Variants in DHPS observed in about 807,000 individuals in gnomAD.
DHPS encodes migration-inducing gene 13.
A neutral mutation model predicts 38.7 loss-of-function variants in DHPS; 24 were observed. That is an observed-to-expected ratio of 0.62 (90% CI 0.45 to 0.87). The LOEUF (loss-of-function observed/expected upper bound fraction) is 0.87, where lower values mean the gene tolerates loss of function less well. DHPS is among the 40% of genes least tolerant of loss of function. DHPS has a pLI of 0.00. For missense variants in DHPS, 510 were observed against 497.6 expected (o/e 1.02, Z -0.24); for synonymous variants, 250 against 204.4 (o/e 1.22, Z -1.90).
intron 5 of DHPS, 71 bp from the exon 6 acceptor site, chr19:12,677,467 G>C (rs975024793): frequency 1.5e-6 from 2 of 1,307,742 alleles, no homozygotes; most frequent in Non-Finnish European, 2.2e-6. Context: ...ATGACTATCT[G>C]ACTGTGGATG....
chr19:12,681,735 G>A lies in DHPS; in HGVS notation c.32C>T (p.Ala11Val), dbSNP rs200005580. MEGSLEREAP[A>V]GALAAVLKHS... ...CTTTAGCACGGCGGCCAGCGCCCCC[G>A]CTGGCGCCTCCCGTTCCAGGGAACC... is the stretch of plus-strand genomic sequence containing the variant. The change falls in exon 1 of 9, where the codon GCG (alanine) becomes GTG (valine). Residue 11 changes from alanine to valine, a missense_variant. By Grantham distance (64) the Ala-to-Val change is moderately conservative. Transcript: ENST00000210060. 6.2e-7 allele frequency: 1 copy of A among 1,612,124 alleles called. No individual in the cohort carries two copies. Among genetic ancestry groups the A allele is most frequent in the Non-Finnish European group, 8.5e-7 (1 of 1,179,906 alleles).
Position 12,676,111 on chromosome 19 carries a change from T to C in DHPS, c.920A>G (p.Asn307Ser). Reference sequence around the variant, plus strand: ...AGAGCCATCAAACTCCTGGGCTGTGTTGATGTAAACAGCGTAGTCGGCCCC... The same window carrying C: ...AGAGCCATCAAACTCCTGGGCTGTGCTGATGTAAACAGCGTAGTCGGCCCC... ...RNGADYAVYI[N>S]TAQEFDGSDS... Residue 307 changes from asparagine (N) to serine (S), a missense_variant, in exon 8 of 9, where the codon AAC becomes AGC. Asn to Ser is a conservative substitution (Grantham distance 46). Transcript: ENST00000210060. 6.2e-7 allele frequency: 1 copy of C among 1,613,700 alleles called. No individual in the cohort carries two copies. Among genetic ancestry groups the C allele is most frequent in the Non-Finnish European group, 8.5e-7 (1 of 1,179,908 alleles).
intron 1 of DHPS, chr19:12,681,132 A>G: frequency 7.8e-7 from 1 of 1,276,116 alleles, no homozygotes; most frequent in Non-Finnish European, 1.0e-6. Flanking sequence ...GCGCCCAGCC[A>G]GCCCCCACCC....
At chr19:12,674,317 T>C (rs1313696952), downstream of DHPS, among the ~76,000 whole-genome samples, 7 of 152,238 alleles carry the variant, frequency 4.6e-5, no homozygotes, top group Admixed American at 4.6e-4. Flanking sequence ...TGTCCCAGCC[T>C]GGTGGGGAGT....
downstream of DHPS, among the ~76,000 whole-genome samples, chr19:12,673,686 G>T (rs1386838432): frequency 6.6e-6 from 1 of 151,742 alleles, no homozygotes; most frequent in African/African-American, 2.4e-5. Context: ...CAAGTGCTAG[G>T]ATTACAGGCG....
At chr19:12,680,372 G>C (rs752619293) in intron 1 of DHPS, 47 bp from the exon 2 acceptor site, 4 of 1,606,388 alleles carry the variant, frequency 2.5e-6, no homozygotes, top group Admixed American at 1.7e-5. Flanking sequence ...TTAAATCCCA[G>C]ACTCAGGACT....
intron 7 of DHPS, 155 bp downstream of exon 7, chr19:12,676,953 G>A (rs575695418): frequency 6.7e-5 from 45 of 667,476 alleles, no homozygotes; most frequent in East Asian, 1.6e-4. Flanking sequence ...GCCCCCTGAC[G>A]TGGATGTCAC....
Position 12,677,191 on chromosome 19 carries a change from G to A in DHPS, c.805C>T (p.Gln269Ter), listed in dbSNP as rs757878296. The A allele has an allele frequency of 6.2e-7, 1 of 1,614,118 alleles. No individual in the cohort carries two copies. Among genetic ancestry groups the A allele is most frequent in the African/African-American group, 1.3e-5 (1 of 74,952 alleles). ...IVEDLRLINT[Q>*]AIFAKCTGMI... ...CCAGTGCACTTGGCAAAGATGGCCT[G>A]TGTGTTGATGAGCCTCAGGTCTGGG... is the stretch of plus-strand genomic sequence containing the variant. The change falls in exon 7 of 9, where the codon CAG becomes TAG. Residue 269 changes from glutamine (Q) to a stop codon, truncating the protein, a stop_gained. Transcript: ENST00000210060. LOFTEE classifies it high-confidence loss of function.
chr19:12,680,500 G>A (rs115176430), intron 1 of DHPS, among the ~76,000 whole-genome samples, 175 bp from the exon 2 acceptor site: 38 of 150,792 alleles, frequency 2.5e-4, no homozygotes, highest in African/African-American at 9.0e-4. Context: ...TCCCAGACCA[G>A]ATCTCAAGAC....
rs1308237335 is a variant in DHPS at position 12,675,847 on chromosome 19, GTTC to G, written c.1098_1100del (p.Lys366del). The G allele has an allele frequency of 6.2e-7, 1 of 1,602,516 alleles. No individual in the cohort carries two copies. Among genetic ancestry groups the G allele is most frequent in the Non-Finnish European group, 8.5e-7 (1 of 1,174,304 alleles). ...CTGGGACCGCAGCCGCTCAGTCCTC[GTTC>G]TTCTCATGCATGAAGGCATCCATCT... On this transcript the variant is annotated inframe_deletion, in exon 9 of 9. Coordinates refer to ENST00000210060, the MANE Select transcript of DHPS (RefSeq NM_001930.4).
chr19:12,675,830 G>C lies in DHPS; in HGVS notation c.*8C>G, dbSNP rs752109199. On this transcript the variant is annotated 3_prime_UTR_variant, in exon 9 of 9. Coordinates refer to ENST00000210060, the MANE Select transcript of DHPS (RefSeq NM_001930.4). ...GAGGGGGTAAGACCTTCCTGGGACC[G>C]CAGCCGCTCAGTCCTCGTTCTTCTC... The C allele has an allele frequency of 1.3e-6, 2 of 1,581,222 alleles. No homozygotes were observed. The highest frequency in any genetic ancestry group is 2.2e-5 in the East Asian group (1 of 44,474).
At position 12,676,013 on chromosome 19, in the gene DHPS, T is replaced by C; in HGVS notation, c.1014+4A>G. The C allele has an allele frequency of 6.2e-7, 1 of 1,613,570 alleles. No homozygotes were observed. The highest frequency in any genetic ancestry group is 8.5e-7 in the Non-Finnish European group (1 of 1,179,674). ...ACCCTATGCCCCACCCAGCCAGCGC[T>C]TACCTTGACGGGCTGTGCATCCACC... On this transcript the variant is annotated splice_donor_region_variant and intron_variant, in intron 8 of 8. Coordinates refer to ENST00000210060, the MANE Select transcript of DHPS (RefSeq NM_001930.4).
Position 12,676,101 on chromosome 19 carries a change from C to G in DHPS, c.930G>C (p.Gln310His). The change falls in exon 8 of 9, where the codon CAG becomes CAC. Residue 310 changes from glutamine (Q) to histidine (H), a missense_variant. Transcript: ENST00000210060. ...CACCTGAGTCAGAGCCATCAAACTC[C>G]TGGGCTGTGTTGATGTAAACAGCGT... is the stretch of plus-strand genomic sequence containing the variant. ...ADYAVYINTAQEFDGSDSGAR... is the reference protein window; with the variant it reads ...ADYAVYINTAHEFDGSDSGAR... 1.2e-6 allele frequency: 2 copies of G among 1,613,866 alleles called. No homozygotes were observed. Among genetic ancestry groups the G allele is most frequent in the Non-Finnish European group, 1.7e-6 (2 of 1,179,932 alleles).
rs147490503 is a variant in DHPS at position 12,681,695 on chromosome 19, C to A, written c.72G>T (p.Leu24Phe). The change falls in exon 1 of 9, where the codon TTG becomes TTT. Residue 24 changes from leucine to phenylalanine, a missense_variant. Coordinates refer to ENST00000210060, the MANE Select transcript of DHPS (RefSeq NM_001930.4). ...LAAVLKHSST[L>F]PPESTQVRGY... ...CCCGGACCTGGGTGCTTTCGGGCGG[C>A]AACGTCGAGCTGTGCTTTAGCACGG... is the stretch of plus-strand genomic sequence containing the variant. 2.7e-4 allele frequency: 430 copies of A among 1,613,932 alleles called. No individual in the cohort carries two copies. The highest frequency in any genetic ancestry group is 3.4e-4 in the Non-Finnish European group (406 of 1,180,046).
chr19:12,675,850 C>T lies in DHPS; in HGVS notation c.1098G>A (p.Lys366=). 8 of 1,603,516 alleles carry T rather than the reference C, an allele frequency of 5.0e-6. No individual in the cohort carries two copies. The highest frequency in any genetic ancestry group is 6.8e-6 in the Non-Finnish European group (8 of 1,174,872). The stretch of plus-strand genomic sequence containing the variant: ...GGACCGCAGCCGCTCAGTCCTCGTT[C>T]TTCTCATGCATGAAGGCATCCATCT... The part of the protein sequence containing the change: ...AQKMDAFMHE[K]NED Residue 366 remains lysine, a synonymous_variant, in exon 9 of 9, where the codon AAG becomes AAA. Coordinates refer to ENST00000210060, the MANE Select transcript of DHPS (RefSeq NM_001930.4).
intron 7 of DHPS, 115 bp from the exon 8 acceptor site, chr19:12,676,257 T>G: frequency 1.5e-6 from 2 of 1,291,556 alleles, no homozygotes; most frequent in East Asian, 5.1e-5. Context: ...AAGGAAGCCC[T>G]TCACAGACAT....
At chr19:12,673,034 C>T (rs768004409), downstream of DHPS, 15 of 1,613,530 alleles carry the variant, frequency 9.3e-6, no homozygotes, top group Middle Eastern at 1.6e-4. Context: ...CTGCTTCAGC[C>T]GGGATGGGCA....
At position 12,681,778 on chromosome 19, in the gene DHPS, C is replaced by G. The variant is rs763527939; in HGVS notation, c.-12G>C. Reference sequence around the variant, plus strand: ...AGGGAACCTTCCATGCGCCTATAGCCGGCTCTCGAGTCAAAGCTGCCCCTA... The same window carrying G: ...AGGGAACCTTCCATGCGCCTATAGCGGGCTCTCGAGTCAAAGCTGCCCCTA... On this transcript the variant is annotated 5_prime_UTR_variant, in exon 1 of 9. Coordinates refer to ENST00000210060, the MANE Select transcript of DHPS (RefSeq NM_001930.4). 35 of 1,603,468 alleles carry G rather than the reference C, an allele frequency of 2.2e-5. No homozygotes were observed. In the African/African-American group the frequency reaches 4.4e-4, roughly 20 times the overall value.
At chr19:12,672,829 A>C (rs1185017124), downstream of DHPS, 1 of 1,568,796 alleles carries the variant, frequency 6.4e-7, no homozygotes, top group South Asian at 1.2e-5. Flanking sequence ...TTCCCGCTGG[A>C]TCTACCCTCT....
Sources: allele counts gnomAD v4.1 joint callset (sites outside exome capture counted in the v4.1 genomes callset), GRCh38; gene constraint gnomAD v4.1.1; transcripts MANE v1.5; gene names NCBI Gene and HGNC (gene_info 2026-07-23, HGNC 2026-07-21).